VPS13A: variants seen among roughly 807,000 people sequenced by gnomAD.
VPS13A encodes vacuolar protein sorting 13 homolog A.
Under a neutral mutation model 390.9 loss-of-function variants are expected in VPS13A, and 264 were observed. The observed-to-expected ratio is 0.68, with a 90% CI of 0.61 to 0.75. The LOEUF (loss-of-function observed/expected upper bound fraction) is 0.75, where lower values mean the gene tolerates loss of function less well. Ranked by LOEUF, VPS13A falls within the 30% of genes least tolerant of loss-of-function variation. VPS13A has a pLI of 0.00. For missense variants in VPS13A, 3,409 were observed against 3,733.9 expected, an observed-to-expected ratio of 0.91 and a Z score of 2.27; for synonymous variants, 1,231 against 1,227.1, an observed-to-expected ratio of 1.00 and a Z score of -0.07.
At chr9:77,318,773 A>G (rs1311973621) in intron 41 of VPS13A, among the ~76,000 whole-genome samples, 182 bp downstream of exon 41, 2 of 152,200 alleles carry the variant, frequency 1.3e-5, no homozygotes, top group African/African-American at 4.8e-5. Context: ...AATTGCTTTT[A>G]TGTATACATT....
intron 31 of VPS13A, among the ~76,000 whole-genome samples, chr9:77,291,979 T>C (rs1827698139): frequency 6.6e-6 from 1 of 152,192 alleles, no homozygotes; most frequent in South Asian, 2.1e-4. Flanking sequence ...CCTAGAGTTT[T>C]ATTTTATTCT....
chr9:77,237,935 T>G, intron 17 of VPS13A, 67 bp from the exon 18 acceptor site: 1 of 1,263,838 alleles, frequency 7.9e-7, no homozygotes, highest in Non-Finnish European at 1.1e-6. Context: ...TTTTAAATCA[T>G]TTTCAATTTT....
chr9:77,355,100 T>C (rs1831696112), intron 54 of VPS13A, among the ~76,000 whole-genome samples: 1 of 152,208 alleles, frequency 6.6e-6, no homozygotes, highest in African/African-American at 2.4e-5. Context: ...CATTTCTTTC[T>C]TTGCATTTAT....
intron 50 of VPS13A, among the ~76,000 whole-genome samples, chr9:77,342,127 A>G (rs996394165): frequency 2.0e-5 from 3 of 152,150 alleles, no homozygotes; most frequent in Non-Finnish European, 4.4e-5. Context: ...TGAGAAAGTT[A>G]GCAATTGTCG....
At chr9:77,333,982 T>C (rs1830413132) in intron 46 of VPS13A, among the ~76,000 whole-genome samples, 1 of 152,144 alleles carries the variant, frequency 6.6e-6, no homozygotes, top group Non-Finnish European at 1.5e-5. Flanking sequence ...CAGTGGGTTA[T>C]AGAGAGTTAT....
chr9:77,400,082 AT>A (rs1834304616), intron 68 of VPS13A, among the ~76,000 whole-genome samples: 3 of 152,122 alleles, frequency 2.0e-5, no homozygotes, highest in Non-Finnish European at 2.9e-5. Flanking sequence ...TGCTGTGAAG[AT>A]TCTTATATGT....
rs2087060128 is a variant in VPS13A at position 77,419,994 on chromosome 9, A to G, written c.*3988A>G. ...TTTAAGATCCAAGTAGAAAATGTAA[A>G]TAACTTACATTCTGTATGCAGGACT... On this transcript the variant is annotated 3_prime_UTR_variant, in exon 72 of 72. Coordinates refer to ENST00000360280, the MANE Select transcript of VPS13A (RefSeq NM_033305.3). 1 of 152,226 alleles carries G rather than the reference A, an allele frequency of 6.6e-6. No homozygotes were observed. The highest frequency in any genetic ancestry group is 2.4e-5 in the African/African-American group (1 of 41,450). 9.4% of individuals were successfully genotyped at this position (152,226 alleles called of 1,614,324 possible). A position where few individuals can be genotyped will look rare whatever the true frequency, so the allele number is the denominator to read the frequency against.
chr9:77,228,431 A>C (rs1002341097), intron 17 of VPS13A, among the ~76,000 whole-genome samples, 167 bp downstream of exon 17: 1 of 152,122 alleles, frequency 6.6e-6, no homozygotes, highest in African/African-American at 2.4e-5. Flanking sequence ...ATACATGTTC[A>C]ATAGAAAACC....
rs556176364 is a variant in VPS13A at position 77,303,592 on chromosome 9, G to A, written c.3960+530G>A. On this transcript the variant is annotated intron_variant, in intron 34 of 71. Coordinates refer to ENST00000360280, the MANE Select transcript of VPS13A (RefSeq NM_033305.3). ...GCACTGGCACCGGCCTCTGAGTTCC[G>A]TCAGTTTTTATTGATTATTATTTTC... is the stretch of plus-strand genomic sequence containing the variant. Among the ~76,000 whole-genome samples the A allele has an allele frequency of 1.4e-4, 21 of 152,160 alleles. No homozygotes were observed. In the South Asian group the frequency reaches 3.5e-3, roughly 26 times the overall value.
intron 19 of VPS13A, among the ~76,000 whole-genome samples, chr9:77,240,635 A>G (rs1226922179): frequency 6.7e-6 from 1 of 148,412 alleles, no homozygotes; most frequent in African/African-American, 2.5e-5. Context: ...ATGCCACCAC[A>G]CCCAGCTAAT....
intron 1 of VPS13A, among the ~76,000 whole-genome samples, chr9:77,194,486 A>G (rs1427465547): frequency 1.3e-5 from 2 of 152,100 alleles, no homozygotes; most frequent in Admixed American, 6.5e-5. Context: ...GGAGATGGAC[A>G]TACCTGGCCA....
At chr9:77,379,631 C>G (rs535138040) in intron 67 of VPS13A, among the ~76,000 whole-genome samples, 2 of 152,268 alleles carry the variant, frequency 1.3e-5, no homozygotes, top group South Asian at 2.1e-4. Context: ...ACCTCGGCCT[C>G]GCAAAGTGCT....
At chr9:77,370,182 C>T (rs887822733) in intron 63 of VPS13A, 75 bp from the exon 64 acceptor site, 6 of 1,520,300 alleles carry the variant, frequency 3.9e-6, no homozygotes, top group African/African-American at 1.4e-5. Flanking sequence ...CCTCTTTCGT[C>T]GTATATATCC....
At chr9:77,317,576 A>G in intron 39 of VPS13A, 30 bp from the exon 40 acceptor site, 1 of 1,469,154 alleles carries the variant, frequency 6.8e-7, no homozygotes, top group South Asian at 1.2e-5. Flanking sequence ...TTTAAACATT[A>G]ATTTAGTGGT....
intron 23 of VPS13A, among the ~76,000 whole-genome samples, chr9:77,264,114 T>C (rs1423991440): frequency 6.6e-6 from 1 of 152,156 alleles, no homozygotes; most frequent in Non-Finnish European, 1.5e-5. Context: ...AGATGTGTGG[T>C]GTTATTTCTG....
At chr9:77,327,028 C>G (rs969027306) in intron 45 of VPS13A, among the ~76,000 whole-genome samples, 6 of 152,186 alleles carry the variant, frequency 3.9e-5, no homozygotes, top group African/African-American at 1.4e-4. Context: ...CAGATCTTGT[C>G]TCTTCAACTT....
At chr9:77,213,059 G>A (rs367896041) in intron 8 of VPS13A, 31 bp downstream of exon 8, 1 of 1,612,584 alleles carries the variant, frequency 6.2e-7, no homozygotes, top group Non-Finnish European at 8.5e-7. Context: ...TCAACTCATG[G>A]ACTTAAGAGA....
At chr9:77,189,339 A>G (rs1025698089) in intron 1 of VPS13A, among the ~76,000 whole-genome samples, 1 of 152,090 alleles carries the variant, frequency 6.6e-6, no homozygotes, top group Non-Finnish European at 1.5e-5. Flanking sequence ...GCTGGCCGTT[A>G]TCTCCACACC....
intron 5 of VPS13A, among the ~76,000 whole-genome samples, chr9:77,207,252 T>TATATATATATATATATATATAA: frequency 5.7e-5 from 5 of 87,250 alleles, no homozygotes; most frequent in South Asian, 3.7e-4. Flanking sequence ...TATATATATA[T>TATATATATATATATATATATAA]AAAACGTGTT....
Sources: gnomAD v4.1 joint callset for allele counts (sites outside exome capture counted in the v4.1 genomes callset) on GRCh38, gnomAD v4.1.1 for gene constraint, MANE v1.5 for transcripts, NCBI Gene and HGNC (gene_info 2026-07-23, HGNC 2026-07-21) for gene names.